MAGI2: variants seen among roughly 807,000 people sequenced by gnomAD.
The protein encoded by MAGI2 is membrane-associated guanylate kinase, WW and PDZ domain-containing protein 2.
Under a neutral mutation model 133.3 loss-of-function variants are expected in MAGI2, and 35 were observed. The observed-to-expected ratio is 0.26, with a 90% confidence interval of 0.20 to 0.35. MAGI2 has a LOEUF of 0.35. MAGI2 is among the 10% of genes least tolerant of loss of function. MAGI2 has a pLI of 1.00. For synonymous variants in MAGI2, 729 were observed against 710.6 expected (o/e 1.03, Z -0.41); for missense variants, 1,636 against 1,863.4 (o/e 0.88, Z 2.25).
chr7:78,350,626 G>C (rs1474320920), intron 7 of MAGI2: 1 of 152,202 alleles, frequency 6.6e-6, no homozygotes, highest in Non-Finnish European at 1.5e-5. Flanking sequence ...TCTGCCCTCA[G>C]AAGTTTCAGA....
At chr7:78,516,600 G>T (rs1796064957) in intron 4 of MAGI2, among the ~76,000 whole-genome samples, 1 of 152,152 alleles carries the variant, frequency 6.6e-6, no homozygotes, top group Non-Finnish European at 1.5e-5. Context: ...TGATCTACCT[G>T]CCTCAGCCCC....
At chr7:79,282,120 C>A (rs1835689340) in intron 1 of MAGI2, among the ~76,000 whole-genome samples, 1 of 152,084 alleles carries the variant, frequency 6.6e-6, no homozygotes, top group African/African-American at 2.4e-5. Context: ...TACAATTAAT[C>A]CCTCTGAAAA....
chr7:78,678,985 T>C (rs1815353154), intron 2 of MAGI2, among the ~76,000 whole-genome samples: 1 of 152,198 alleles, frequency 6.6e-6, no homozygotes, highest in South Asian at 2.1e-4. Flanking sequence ...GACCCAATGA[T>C]ATAACTGATA....
rs751592717 is a variant in MAGI2, at chr7:78,401,984, C to T, written c.1046-32771G>A. 2.6e-5 allele frequency among the ~76,000 whole-genome samples: 4 copies of T among 151,938 alleles called. 1 individual carries two copies. Among genetic ancestry groups the T allele is most frequent in the Admixed American group, 1.3e-4 (2 of 15,246 alleles). On this transcript the variant is annotated intron_variant, in intron 6 of 21. Coordinates refer to ENST00000354212, the MANE Select transcript of MAGI2 (RefSeq NM_012301.4). Reference sequence around the variant, plus strand: ...TTGTTGAGTCCTAAGTCCTATTCAACCTCTAGAGTGCAGAGGTTCCCCTCT... The same window carrying T: ...TTGTTGAGTCCTAAGTCCTATTCAATCTCTAGAGTGCAGAGGTTCCCCTCT...
rs141108062 is a variant in MAGI2 at position 79,264,787 on chromosome 7, C to T, written c.301+188233G>A. Reference sequence around the variant, plus strand: ...AGGATCTAGTGAGGGCTTCAGGCTGCTTCATGGTGGAAGATGAAGGGGAGC... The same window carrying T: ...AGGATCTAGTGAGGGCTTCAGGCTGTTTCATGGTGGAAGATGAAGGGGAGC... On this transcript the variant is annotated intron_variant, in intron 1 of 21. Transcript: ENST00000354212. Among the ~76,000 whole-genome samples, 434 of 151,738 alleles carry T rather than the reference C, an allele frequency of 2.9e-3. 2 individuals carry two copies. Among genetic ancestry groups the T allele is most frequent in the African/African-American group, 0.01 (416 of 41,346 alleles).
intron 1 of MAGI2, among the ~76,000 whole-genome samples, chr7:79,249,109 G>T (rs1050064645): frequency 2.6e-5 from 4 of 152,000 alleles, no homozygotes; most frequent in African/African-American, 9.7e-5. Context: ...GGTCATCCCA[G>T]AGTGCTGGGA....
intron 2 of MAGI2, among the ~76,000 whole-genome samples, chr7:78,792,622 T>C (rs1402517641): frequency 6.6e-6 from 1 of 152,246 alleles, no homozygotes; most frequent in African/African-American, 2.4e-5. Context: ...CTTCTTCTAT[T>C]ATTTTATGGT....
At chr7:79,352,604 A>G (rs558895070) in intron 1 of MAGI2, among the ~76,000 whole-genome samples, 10 of 152,224 alleles carry the variant, frequency 6.6e-5, no homozygotes, top group Non-Finnish European at 1.5e-4. Context: ...CTGTTCCCAT[A>G]GTGCTATTAT....
At chr7:78,399,448 T>C (rs1796648341) in intron 6 of MAGI2, among the ~76,000 whole-genome samples, 1 of 152,222 alleles carries the variant, frequency 6.6e-6, no homozygotes, top group African/African-American at 2.4e-5. Context: ...TAAGTGTTGA[T>C]ATTCTGGTAA....
intron 1 of MAGI2, among the ~76,000 whole-genome samples, chr7:79,433,552 C>CAA (rs201784348): frequency 1.1e-4 from 13 of 118,702 alleles, no homozygotes; most frequent in Middle Eastern, 4.3e-3. Flanking sequence ...GACTCTGTCT[C>CAA]AAAAAAAAAA....
intron 1 of MAGI2, among the ~76,000 whole-genome samples, chr7:79,328,499 T>C (rs1427898494): frequency 1.3e-5 from 2 of 152,154 alleles, no homozygotes. Context: ...GAAGTAAGCA[T>C]AGGGATCAAA....
intron 2 of MAGI2, among the ~76,000 whole-genome samples, chr7:78,854,039 T>TGGA (rs1369821278): frequency 6.6e-6 from 1 of 152,134 alleles, no homozygotes; most frequent in African/African-American, 2.4e-5. Context: ...AGATGGCTAT[T>TGGA]GGAAATTCAT....
At chr7:78,769,392 T>C (rs1825353954) in intron 2 of MAGI2, among the ~76,000 whole-genome samples, 1 of 151,828 alleles carries the variant, frequency 6.6e-6, no homozygotes, top group Non-Finnish European at 1.5e-5. Context: ...CGTCCGAAAA[T>C]ATATGTAATC....
intron 9 of MAGI2, among the ~76,000 whole-genome samples, chr7:78,316,088 A>G (rs1047969999): frequency 1.2e-4 from 18 of 152,214 alleles, no homozygotes; most frequent in African/African-American, 4.1e-4. Flanking sequence ...TGTGAGTGAC[A>G]GAGAATGATC....
intron 16 of MAGI2, among the ~76,000 whole-genome samples, chr7:78,156,964 T>G (rs1824457147): frequency 6.6e-6 from 1 of 152,204 alleles, no homozygotes; most frequent in African/African-American, 2.4e-5. Flanking sequence ...AAGTACCTGA[T>G]AGCATAAACC....
At chr7:79,206,661 T>C (rs1829086278) in intron 1 of MAGI2, among the ~76,000 whole-genome samples, 1 of 151,968 alleles carries the variant, frequency 6.6e-6, no homozygotes, top group African/African-American at 2.4e-5. Context: ...ATCCCAATTA[T>C]TCTCAAACTC....
At chr7:78,071,760 G>A (rs892735735) in intron 21 of MAGI2, among the ~76,000 whole-genome samples, 9 of 152,092 alleles carry the variant, frequency 5.9e-5, no homozygotes, top group South Asian at 4.2e-4. Context: ...TCTATTGCGC[G>A]GTGGAAGGTG....
At chr7:78,325,200 A>AG (rs902259976) in intron 9 of MAGI2, among the ~76,000 whole-genome samples, 24 of 152,204 alleles carry the variant, frequency 1.6e-4, no homozygotes, top group Non-Finnish European at 4.4e-5. Flanking sequence ...CTAAGAGTAT[A>AG]GGCTAAATGA....
chr7:78,298,598 GGT>G (rs1242911844), intron 9 of MAGI2, among the ~76,000 whole-genome samples: 1 of 152,058 alleles, frequency 6.6e-6, no homozygotes, highest in Non-Finnish European at 1.5e-5. Flanking sequence ...ATGCCTTCTG[GGT>G]TCAAACAACT....
Sources: gnomAD v4.1 joint callset for allele counts (sites outside exome capture counted in the v4.1 genomes callset) on GRCh38, gnomAD v4.1.1 for gene constraint, MANE v1.5 for transcripts, NCBI Gene and HGNC (gene_info 2026-07-23, HGNC 2026-07-21) for gene names.